The following LRRIQ1 variants were observed in gnomAD, a reference collection of about 807,000 sequenced individuals.
LRRIQ1 encodes the protein leucine rich repeats and IQ motif containing 1.
Under a neutral mutation model 211.9 loss-of-function variants are expected in LRRIQ1, and 210 were observed. The ratio of observed to expected loss-of-function variants is 0.99; its 90% CI spans 0.89 to 1.11. The LOEUF (loss-of-function observed/expected upper bound fraction) is 1.11, where lower values mean the gene tolerates loss of function less well. LRRIQ1 is among the 50% of genes most tolerant of loss of function. LRRIQ1 has a pLI of 0.00. For synonymous variants in LRRIQ1, 699 were observed against 650.1 expected, an observed-to-expected ratio of 1.08 and a Z score of -1.14; for missense variants, 2,136 against 1,939.5, an observed-to-expected ratio of 1.10 and a Z score of -1.90.
chr12:85,127,015 T>A (rs1888413751), intron 17 of LRRIQ1, among the ~76,000 whole-genome samples: 1 of 152,186 alleles, frequency 6.6e-6, no homozygotes, highest in African/African-American at 2.4e-5. Flanking sequence ...TTTAAGCCAA[T>A]GTCAGGAATT....
At chr12:85,198,277 TC>T (rs1329986553) in intron 24 of LRRIQ1, among the ~76,000 whole-genome samples, 4 of 149,100 alleles carry the variant, frequency 2.7e-5, no homozygotes, top group African/African-American at 7.4e-5. Context: ...AACATACGTG[TC>T]CATGTGTCTT....
rs370769156 is a variant in LRRIQ1, at chr12:85,068,784, G to A, written c.2695+1886G>A. Among the ~76,000 whole-genome samples, 4 of 148,538 alleles carry A rather than the reference G, an allele frequency of 2.7e-5. No individual in the cohort carries two copies. In the East Asian group the frequency reaches 7.8e-4, roughly 29 times the overall value. ...CCTTTAAATCTGCAGCAGTCCTCAC[G>A]GCTTTTTTTTTTTCCCATTCCGTTG... On this transcript the variant is annotated intron_variant, in intron 10 of 26. Transcript: ENST00000393217.
At chr12:85,202,332 C>T (rs1893338750) in intron 24 of LRRIQ1, among the ~76,000 whole-genome samples, 1 of 152,124 alleles carries the variant, frequency 6.6e-6, no homozygotes. Context: ...AGTTCAGTCT[C>T]AGATATCTTT....
chr12:85,248,166 T>A (rs1895788739), downstream of LRRIQ1, among the ~76,000 whole-genome samples: 1 of 151,622 alleles, frequency 6.6e-6, no homozygotes, highest in Non-Finnish European at 1.5e-5. Context: ...GTTAGAGCAA[T>A]TTATAGCTTT....
intron 24 of LRRIQ1, among the ~76,000 whole-genome samples, chr12:85,202,095 A>G (rs904496637): frequency 5.9e-5 from 9 of 151,804 alleles, no homozygotes; most frequent in Admixed American, 2.0e-4. Context: ...ATTTTGAGTG[A>G]TTTTCTTAGT....
rs371381019 is a variant in LRRIQ1, at chr12:85,072,865, T to G, written c.2696-42T>G. 5.7e-4 allele frequency: 807 copies of G among 1,411,208 alleles called. 3 individuals carry two copies. The highest frequency in any genetic ancestry group is 4.0e-3 in the South Asian group (283 of 70,606). 87.4% of individuals were successfully genotyped at this position (1,411,208 alleles called of 1,614,324 possible). On this transcript the variant is annotated intron_variant, in intron 10 of 26. Coordinates refer to ENST00000393217, the MANE Select transcript of LRRIQ1 (RefSeq NM_001079910.2). Reference sequence around the variant, plus strand: ...AGCTATAACCACTTGCATTTATTAATTCGTCTTATATATTTGGTCTTAATT... The same window carrying G: ...AGCTATAACCACTTGCATTTATTAAGTCGTCTTATATATTTGGTCTTAATT...
chr12:85,160,787 ATTT>A (rs1217301529), intron 24 of LRRIQ1, 73 bp downstream of exon 24: 1 of 764,526 alleles, frequency 1.3e-6, no homozygotes, highest in Non-Finnish European at 1.9e-6. Context: ...TTTACAATAA[ATTT>A]TTAATTCTTA....
intron 15 of LRRIQ1, among the ~76,000 whole-genome samples, chr12:85,109,176 G>A (rs561738990): frequency 1.3e-5 from 2 of 152,240 alleles, no homozygotes; most frequent in East Asian, 3.9e-4. Flanking sequence ...TGTACCTGTA[G>A]AACAAGCTAT....
At chr12:85,127,418 T>TA (rs1888443751) in intron 17 of LRRIQ1, among the ~76,000 whole-genome samples, 1 of 152,290 alleles carries the variant, frequency 6.6e-6, no homozygotes, top group South Asian at 2.1e-4. Flanking sequence ...TCCTTCCTCT[T>TA]ACATTCGAAG....
intron 18 of LRRIQ1, among the ~76,000 whole-genome samples, chr12:85,131,799 T>A (rs1888785792): frequency 6.6e-6 from 1 of 152,086 alleles, no homozygotes; most frequent in African/African-American, 2.4e-5. Flanking sequence ...TAGAGAATTG[T>A]CAGGCCAGAG....
At chr12:85,244,644 C>T in intron 26 of LRRIQ1, 145 bp from the exon 27 acceptor site, 5 of 715,460 alleles carry the variant, frequency 7.0e-6, no homozygotes, top group African/African-American at 1.8e-5. Context: ...TTTGTTCTGC[C>T]TGGGCAGCAA....
intron 8 of LRRIQ1, among the ~76,000 whole-genome samples, chr12:85,057,437 G>C (rs746053558): frequency 1.3e-5 from 2 of 151,870 alleles, no homozygotes; most frequent in Non-Finnish European, 2.9e-5. Flanking sequence ...GTGTTCAAGG[G>C]CCCTCCAGTC....
intron 26 of LRRIQ1, among the ~76,000 whole-genome samples, chr12:85,237,269 C>A (rs908405445): frequency 8.6e-5 from 13 of 152,004 alleles, no homozygotes; most frequent in African/African-American, 3.1e-4. Flanking sequence ...AAAAGAAACA[C>A]ATGAGTTCCA....
At chr12:85,245,973 C>T (rs1042633668), downstream of LRRIQ1, among the ~76,000 whole-genome samples, 6 of 150,916 alleles carry the variant, frequency 4.0e-5, no homozygotes, top group African/African-American at 1.5e-4. Flanking sequence ...TTGTGCTCTC[C>T]GGATAAATGA....
At chr12:85,234,332 T>A (rs2137213654) in intron 26 of LRRIQ1, among the ~76,000 whole-genome samples, 1 of 152,292 alleles carries the variant, frequency 6.6e-6, no homozygotes, top group East Asian at 1.9e-4. Context: ...TTTATGAGAT[T>A]AATGCAAGGA....
Position 85,119,631 on chromosome 12 carries a change from C to T in LRRIQ1, c.3378-2066C>T, listed in dbSNP as rs554328034. On this transcript the variant is annotated intron_variant, in intron 15 of 26. Transcript: ENST00000393217. Reference sequence around the variant, plus strand: ...TACCATTTTGCATTCCCACCAGCAACGAATGTGAGTTTCTCTTGCTCTATA... The same window carrying T: ...TACCATTTTGCATTCCCACCAGCAATGAATGTGAGTTTCTCTTGCTCTATA... Among the ~76,000 whole-genome samples, 4 of 152,230 alleles carry T rather than the reference C, an allele frequency of 2.6e-5. No homozygotes were observed. The South Asian group carries it at 6.2e-4, about 24-fold the overall frequency.
exon 2 of LRRIQ1, chr12:85,263,798 A>G (rs896661733): frequency 1.3e-5 from 2 of 152,030 alleles, no homozygotes; most frequent in African/African-American, 4.8e-5. Context: ...GTCATTTAAA[A>G]GTACTTTTTC....
At chr12:85,133,022 T>C (rs1364796864) in intron 18 of LRRIQ1, among the ~76,000 whole-genome samples, 3 of 152,042 alleles carry the variant, frequency 2.0e-5, no homozygotes, top group Admixed American at 2.0e-4. Flanking sequence ...TTTAACATTA[T>C]ACAATGTTAA....
At chr12:85,222,516 TC>T (rs1199288358) in intron 24 of LRRIQ1, among the ~76,000 whole-genome samples, 1 of 151,866 alleles carries the variant, frequency 6.6e-6, no homozygotes, top group African/African-American at 2.4e-5. Context: ...CTTCAAAAAG[TC>T]CCCCAAATTT....
Sources: allele counts gnomAD v4.1 joint callset (sites outside exome capture counted in the v4.1 genomes callset), GRCh38; gene constraint gnomAD v4.1.1; transcripts MANE v1.5; gene names NCBI Gene and HGNC (gene_info 2026-07-23, HGNC 2026-07-21).